The following DRC3 variants were observed in gnomAD, a reference collection of about 807,000 sequenced individuals.
DRC3 encodes dynein regulatory complex subunit 3.
DRC3 carries 45 observed loss-of-function variants against 57.6 expected under a neutral mutation model. The observed-to-expected ratio is 0.78, with a 90% CI of 0.62 to 1.00. DRC3 has a LOEUF of 1.00. Ranked by LOEUF, DRC3 falls within the 50% of genes least tolerant of loss-of-function variation. DRC3 has a pLI of 0.00. For synonymous variants in DRC3, 257 were observed against 272.3 expected (o/e 0.94, Z 0.55); for missense variants, 655 against 675.2 (o/e 0.97, Z 0.33).
chr17:17,991,846 CA>C (rs1555626454), intron 5 of DRC3, among the ~76,000 whole-genome samples: 1 of 152,160 alleles, frequency 6.6e-6, no homozygotes, highest in Non-Finnish European at 1.5e-5. Context: ...TTACAATCTA[CA>C]AAGGCATGCC....
At chr17:17,994,613 C>T (rs2043380020) in intron 7 of DRC3, among the ~76,000 whole-genome samples, 195 bp downstream of exon 7, 1 of 152,204 alleles carries the variant, frequency 6.6e-6, no homozygotes, top group Non-Finnish European at 1.5e-5. Context: ...TCAGTCCAGA[C>T]CCTGACCCTA....
rs2042829584 is a variant in DRC3, at chr17:17,983,856, G to A, written c.189G>A (p.Gln63=). The part of the protein sequence containing the change: ...RNILRIDNLW[Q]FENLRKLQLD... ...TCCTCCGCATAGACAACCTCTGGCA[G>A]TTTGAGAACTTGAGGAAGCTGCAGC... The change falls in exon 4 of 14, where the codon CAG becomes CAA. Residue 63 remains glutamine (Q), a synonymous_variant. Coordinates refer to ENST00000399187, the MANE Select transcript of DRC3 (RefSeq NM_031294.4). 1.9e-6 allele frequency: 3 copies of A among 1,613,504 alleles called. No homozygotes were observed. In the East Asian group the frequency reaches 6.7e-5, roughly 36 times the overall value.
chr17:17,992,588 G>A (rs1482528904), intron 5 of DRC3, among the ~76,000 whole-genome samples, 177 bp from the exon 6 acceptor site: 1 of 152,066 alleles, frequency 6.6e-6, no homozygotes, highest in East Asian at 1.9e-4. Context: ...AGAAGGTCTC[G>A]GTACTGCTTC....
chr17:18,001,584 G>A (rs73303857), intron 9 of DRC3, among the ~76,000 whole-genome samples: 2,638 of 152,150 alleles, frequency 0.017, 85 homozygotes, highest in African/African-American at 0.06. Flanking sequence ...TATTTTTCCC[G>A]GTTTGTGTTT....
chr17:18,010,076 C>T (rs1183563905), intron 12 of DRC3, among the ~76,000 whole-genome samples: 3 of 152,112 alleles, frequency 2.0e-5, no homozygotes, highest in Admixed American at 2.0e-4. Context: ...GTGCTCAGGC[C>T]CAGGGAGGAT....
In DRC3 at chr17:17,988,173, G is replaced by C. The variant is rs1176980487; in HGVS notation, c.444+75G>C. On this transcript the variant is annotated intron_variant, in intron 5 of 13. Coordinates refer to ENST00000399187, the MANE Select transcript of DRC3 (RefSeq NM_031294.4). ...CGCCGTGGGTTGAGTGGGGGTCTGTGGCTAGGGGAAGTACAGGCTGAGTGT... is the reference window on the plus strand; with the variant it reads ...CGCCGTGGGTTGAGTGGGGGTCTGTCGCTAGGGGAAGTACAGGCTGAGTGT... The C allele has an allele frequency of 1.8e-5, 26 of 1,459,880 alleles. No homozygotes were observed. In the East Asian group the frequency reaches 6.3e-4, roughly 35 times the overall value. The allele number at this position is 1,459,880 out of a possible 1,614,324, so 90.4% of individuals were successfully genotyped here.
At chr17:17,976,933 G>A (rs2042415994) in intron 2 of DRC3, among the ~76,000 whole-genome samples, 2 of 152,094 alleles carry the variant, frequency 1.3e-5, no homozygotes, top group Non-Finnish European at 2.9e-5. Flanking sequence ...GCTTAACTAT[G>A]TACCCAGCCA....
At chr17:18,000,357 AGTGTGTGTGT>A (rs113487468) in intron 9 of DRC3, among the ~76,000 whole-genome samples, 2 of 65,248 alleles carry the variant, frequency 3.1e-5, no homozygotes, top group Admixed American at 3.2e-4. Context: ...CTTTCACGTG[AGTGTGTGTGT>A]GTGTGTGTGT....
At chr17:17,999,605 A>G (rs2043604964) in intron 9 of DRC3, among the ~76,000 whole-genome samples, 1 of 152,220 alleles carries the variant, frequency 6.6e-6, no homozygotes, top group Admixed American at 6.5e-5. Context: ...GTCACGTTTC[A>G]GGGTCATGCT....
intron 3 of DRC3, 71 bp downstream of exon 3, chr17:17,977,829 C>A: frequency 6.8e-7 from 1 of 1,464,090 alleles, no homozygotes; most frequent in Non-Finnish European, 9.1e-7. Context: ...CATCTTCAAG[C>A]CCCAGGATTC....
intron 9 of DRC3, among the ~76,000 whole-genome samples, chr17:18,001,748 T>C (rs959586325): frequency 3.3e-5 from 5 of 152,086 alleles, no homozygotes; most frequent in East Asian, 1.9e-4. Context: ...CTGGGCAACA[T>C]AGTAAGACCC....
chr17:17,992,170 G>C (rs930895476), intron 5 of DRC3, among the ~76,000 whole-genome samples: 3 of 152,170 alleles, frequency 2.0e-5, no homozygotes, highest in Non-Finnish European at 4.4e-5. Flanking sequence ...AGCTACTCGG[G>C]AGGCTGAGGC....
chr17:17,982,276 C>A (rs1399526444), intron 3 of DRC3, among the ~76,000 whole-genome samples: 1 of 148,792 alleles, frequency 6.7e-6, no homozygotes, highest in African/African-American at 2.5e-5. Context: ...AGTTCAGTGG[C>A]GCAATCTCGG....
At chr17:18,007,809 T>C in intron 12 of DRC3, 2 of 1,040,494 alleles carry the variant, frequency 1.9e-6, no homozygotes, top group Non-Finnish European at 2.3e-6. Flanking sequence ...CCTGCTTTAG[T>C]GCATGCATCA....
chr17:18,016,435 G>T (rs9913277), intron 13 of DRC3, 123 bp from the exon 14 acceptor site: 338,022 of 808,258 alleles, frequency 0.42, 82,472 homozygotes, highest in East Asian at 0.89. Context: ...CTGGGGAGGC[G>T]CTGAAGCAAA....
At chr17:17,980,288 T>G (rs577695795) in intron 3 of DRC3, among the ~76,000 whole-genome samples, 49 of 152,004 alleles carry the variant, frequency 3.2e-4, no homozygotes, top group South Asian at 8.3e-4. Flanking sequence ...TGTTGTTGTT[T>G]TTTTTTTTGT....
At chr17:18,011,521 C>CTGCT in intron 12 of DRC3, 1 of 176,894 alleles carries the variant, frequency 5.7e-6, no homozygotes, top group South Asian at 9.6e-5. Context: ...CGGCTCTGTG[C>CTGCT]TGCTGCACCT....
chr17:17,983,730 T>C (rs1160722193), intron 3 of DRC3, 98 bp from the exon 4 acceptor site: 1 of 811,480 alleles, frequency 1.2e-6, no homozygotes, highest in Non-Finnish European at 2.1e-6. Flanking sequence ...GCAGAAGAGT[T>C]CTAGGTCCCT....
At chr17:18,000,629 G>A (rs1344347209) in intron 9 of DRC3, among the ~76,000 whole-genome samples, 1 of 152,064 alleles carries the variant, frequency 6.6e-6, no homozygotes, top group Non-Finnish European at 1.5e-5. Flanking sequence ...GTGGAACTGT[G>A]CATTGGTTTT....
Sources: allele counts gnomAD v4.1 joint callset (sites outside exome capture counted in the v4.1 genomes callset), GRCh38; gene constraint gnomAD v4.1.1; transcripts MANE v1.5; gene names NCBI Gene and HGNC (gene_info 2026-07-23, HGNC 2026-07-21).